EPHA7: variants seen among roughly 807,000 people sequenced by gnomAD.
EPHA7 encodes the protein EPH receptor A7.
In EPHA7, 25 loss-of-function variants were observed where a neutral mutation model predicts 112.6. The observed-to-expected ratio is 0.22, with a 90% confidence interval of 0.16 to 0.31. The LOEUF is 0.31. Ranked by LOEUF, EPHA7 falls within the 10% of genes least tolerant of loss-of-function variation. EPHA7 has a pLI of 1.00. For missense variants in EPHA7, 962 were observed against 1,212.6 expected, an observed-to-expected ratio of 0.79 and a Z score of 3.07; for synonymous variants, 437 against 406.5, an observed-to-expected ratio of 1.07 and a Z score of -0.90.
chr6:93,323,849 C>T (rs1325187192), intron 5 of EPHA7, among the ~76,000 whole-genome samples: 1 of 151,416 alleles, frequency 6.6e-6, no homozygotes, highest in African/African-American at 2.4e-5. Flanking sequence ...TAAACATTTT[C>T]ACACCAAATC....
Position 93,410,994 on chromosome 6 carries a change from A to G in EPHA7, c.339T>C (p.Pro113=). 6.2e-7 allele frequency: 1 copy of G among 1,614,104 alleles called. No homozygotes were observed. Among genetic ancestry groups the G allele is most frequent in the Non-Finnish European group, 8.5e-7 (1 of 1,179,986 alleles). The change falls in exon 3 of 17, where the codon CCT becomes CCC. Residue 113 remains proline (P), a synonymous_variant. Coordinates refer to ENST00000369303, the MANE Select transcript of EPHA7 (RefSeq NM_004440.4). This position sits in a 1 kb window ranked among gnomAD's most constrained non-coding sequence, Gnocchi z 4.0. ...KFTLRDCNSL[P]GVLGTCKETF... is the part of the protein sequence containing the mutation. Reference sequence around the variant, plus strand: ...TTTCCTTGCAAGTTCCCAGTACTCCAGGAAGACTGTTACAATCCCTCAGGG... The same window carrying G: ...TTTCCTTGCAAGTTCCCAGTACTCCGGGAAGACTGTTACAATCCCTCAGGG...
At chr6:93,359,298 T>C (rs1480955538) in intron 3 of EPHA7, among the ~76,000 whole-genome samples, 2 of 152,018 alleles carry the variant, frequency 1.3e-5, no homozygotes, top group African/African-American at 2.4e-5. Flanking sequence ...GGACATTTCA[T>C]ATATTTATAT....
intron 3 of EPHA7, among the ~76,000 whole-genome samples, chr6:93,408,428 T>C (rs1367176691): frequency 6.6e-6 from 1 of 152,042 alleles, no homozygotes; most frequent in Non-Finnish European, 1.5e-5. Flanking sequence ...TGGAATAGCA[T>C]TTTGCCTACA....
intron 5 of EPHA7, among the ~76,000 whole-genome samples, chr6:93,310,958 C>T (rs1280802428): frequency 1.3e-5 from 2 of 151,558 alleles, no homozygotes; most frequent in Admixed American, 6.6e-5. Context: ...CTCTCTGGCA[C>T]GTGATGCTGT....
Position 93,243,533 on chromosome 6 carries a change from T to C in EPHA7, c.2890A>G (p.Met964Val), listed in dbSNP as rs1286895663. ...CCAACCAGTGTGATCCCTAAACTCATCACATCCCTGAAAAAGACAAATGCA... is the reference window on the plus strand; with the variant it reads ...CCAACCAGTGTGATCCCTAAACTCACCACATCCCTGAAAAAGACAAATGCA... Reference protein sequence around the residue: ...SVARMTIEDVMSLGITLVGHQ... With the variant: ...SVARMTIEDVVSLGITLVGHQ... The change falls in exon 17 of 17, where the codon ATG becomes GTG. Residue 964 changes from methionine to valine, a missense_variant. This residue lies in a region of EPHA7 where 746 missense variants were observed against 889.2 expected (regional missense o/e 0.84). Transcript: ENST00000369303. 6.2e-7 allele frequency: 1 copy of C among 1,612,160 alleles called. No homozygotes were observed. Among genetic ancestry groups the C allele is most frequent in the Non-Finnish European group, 8.5e-7 (1 of 1,178,412 alleles).
At chr6:93,413,174 T>C (rs1779059362) in intron 2 of EPHA7, among the ~76,000 whole-genome samples, 1 of 151,712 alleles carries the variant, frequency 6.6e-6, no homozygotes, top group African/African-American at 2.4e-5. Flanking sequence ...CTCAAGAACA[T>C]TTTTTTTAGT....
At chr6:93,390,241 TAA>T (rs1211494658) in intron 3 of EPHA7, among the ~76,000 whole-genome samples, 1 of 125,266 alleles carries the variant, frequency 8.0e-6, no homozygotes. Flanking sequence ...ATCAGTACAG[TAA>T]AAAAAAAAGG....
At chr6:93,408,600 AT>A (rs562838156) in intron 3 of EPHA7, among the ~76,000 whole-genome samples, 148 of 152,236 alleles carry the variant, frequency 9.7e-4, no homozygotes, top group Admixed American at 2.4e-3. Context: ...AAACTGGTCT[AT>A]GGGACCTGAA....
chr6:93,267,390 C>T (rs547862488), intron 7 of EPHA7, among the ~76,000 whole-genome samples: 1 of 151,830 alleles, frequency 6.6e-6, no homozygotes, highest in South Asian at 2.1e-4. Context: ...CATCCAAACT[C>T]CTATAACCGG....
At chr6:93,345,645 C>G (rs1342562405) in intron 5 of EPHA7, among the ~76,000 whole-genome samples, 1 of 151,648 alleles carries the variant, frequency 6.6e-6, no homozygotes. Context: ...CAAAGGGAAC[C>G]AAAGTCATAA....
chr6:93,252,473 A>G (rs890048062), intron 14 of EPHA7, among the ~76,000 whole-genome samples: 3 of 151,908 alleles, frequency 2.0e-5, no homozygotes, highest in Non-Finnish European at 4.4e-5. Context: ...AGCAGTTTCC[A>G]CATGTATCAG....
chr6:93,309,077 T>C (rs1773402674), intron 5 of EPHA7, among the ~76,000 whole-genome samples: 1 of 152,066 alleles, frequency 6.6e-6, no homozygotes, highest in Non-Finnish European at 1.5e-5. Flanking sequence ...GCCTCCTGAG[T>C]AGCTGGGATT....
chr6:93,361,431 G>A (rs3807004), intron 3 of EPHA7, among the ~76,000 whole-genome samples: 1 of 152,012 alleles, frequency 6.6e-6, no homozygotes, highest in African/African-American at 2.4e-5. Context: ...AAAAAGCTTG[G>A]GAAAGCAGTA....
At chr6:93,272,153 A>G (rs952985132) in intron 6 of EPHA7, 145 bp downstream of exon 6, 1 of 773,064 alleles carries the variant, frequency 1.3e-6, no homozygotes, top group African/African-American at 1.7e-5. Flanking sequence ...ATTCACAGAG[A>G]TGGTTATTAT....
chr6:93,246,687 G>A (rs1002404080), intron 15 of EPHA7, 105 bp downstream of exon 15: 12 of 960,880 alleles, frequency 1.2e-5, no homozygotes, highest in Admixed American at 6.9e-5. Flanking sequence ...GAGTTTATAC[G>A]TCAACACAAA....
At chr6:93,263,302 A>C (rs1267833925) in intron 9 of EPHA7, among the ~76,000 whole-genome samples, 1 of 151,400 alleles carries the variant, frequency 6.6e-6, no homozygotes, top group African/African-American at 2.4e-5. Flanking sequence ...TTTCTTCTAA[A>C]TATGATTTCT....
At chr6:93,339,986 C>A (rs976937509) in intron 5 of EPHA7, among the ~76,000 whole-genome samples, 1 of 151,604 alleles carries the variant, frequency 6.6e-6, no homozygotes, top group African/African-American at 2.4e-5. Context: ...GGAACAATAA[C>A]AATTACTGAG....
intron 3 of EPHA7, chr6:93,409,887 G>A (rs541791703): frequency 4.1e-4 from 58 of 142,474 alleles, no homozygotes; most frequent in African/African-American, 1.4e-3. Context: ...ACAAAAATGT[G>A]GTCATTTTGG....
intron 3 of EPHA7, among the ~76,000 whole-genome samples, chr6:93,401,033 T>C (rs78436369): frequency 0.036 from 5,431 of 152,148 alleles, 300 homozygotes; most frequent in African/African-American, 0.12. Context: ...TCAGTGTTAA[T>C]GGGTTCAGGG....
Sources: gnomAD v4.1 joint callset for allele counts (sites outside exome capture counted in the v4.1 genomes callset) on GRCh38, gnomAD v4.1.1 for gene constraint, gnomAD v4.1.1 regional missense constraint, Gnocchi (gnomAD v3.1) non-coding constraint, MANE v1.5 for transcripts, NCBI Gene and HGNC (gene_info 2026-07-23, HGNC 2026-07-21) for gene names.